The following ANO2 variants were observed in gnomAD, a reference collection of about 807,000 sequenced individuals.
ANO2 encodes the protein anoctamin 2.
A neutral mutation model predicts 124.2 loss-of-function variants in ANO2; 101 were observed. The observed-to-expected ratio is 0.81, with a 90% CI of 0.69 to 0.96. ANO2 has a LOEUF of 0.96. ANO2 is among the 40% of genes least tolerant of loss of function. ANO2 has a pLI of 0.00. For synonymous variants in ANO2, 486 were observed against 482.5 expected (o/e 1.01, Z -0.09); for missense variants, 1,293 against 1,274.5 (o/e 1.01, Z -0.22).
At chr12:5,724,529 G>A (rs933035630) in intron 14 of ANO2, among the ~76,000 whole-genome samples, 3 of 152,214 alleles carry the variant, frequency 2.0e-5, no homozygotes. Flanking sequence ...TCCTGTTGCT[G>A]TTGTCACAGC....
chr12:5,583,785 G>T, intron 20 of ANO2: 1 of 164,704 alleles, frequency 6.1e-6, no homozygotes, highest in South Asian at 1.7e-4. Context: ...AGGACTACCA[G>T]ATCGGTTGTA....
intron 12 of ANO2, among the ~76,000 whole-genome samples, chr12:5,742,052 T>C (rs1951111530): frequency 6.6e-6 from 1 of 152,130 alleles, no homozygotes; most frequent in Non-Finnish European, 1.5e-5. Flanking sequence ...CCCTGGAGTT[T>C]GAAGTCCGAC....
At chr12:5,646,314 C>T (rs1009040055) in intron 15 of ANO2, among the ~76,000 whole-genome samples, 1 of 152,146 alleles carries the variant, frequency 6.6e-6, no homozygotes, top group Admixed American at 6.5e-5. Flanking sequence ...TCCTGTCAGC[C>T]CTTCGAGGCT....
chr12:5,691,327 C>CAAAAAAAAAAAAA (rs60573302), intron 14 of ANO2, among the ~76,000 whole-genome samples: 3 of 86,994 alleles, frequency 3.4e-5, no homozygotes, highest in Non-Finnish European at 6.1e-5. Flanking sequence ...GACTCCATCT[C>CAAAAAAAAAAAAA]AAAAAAAAAA....
intron 2 of ANO2, 140 bp downstream of exon 2, chr12:5,922,478 GAA>G: frequency 1.1e-6 from 1 of 949,478 alleles, no homozygotes; most frequent in South Asian, 1.9e-5. Context: ...ACAGAGAAGA[GAA>G]AAGGCCCTAC....
intron 10 of ANO2, among the ~76,000 whole-genome samples, chr12:5,753,476 C>A (rs1409532974): frequency 6.6e-6 from 1 of 152,174 alleles, no homozygotes; most frequent in Non-Finnish European, 1.5e-5. Flanking sequence ...CAGCTTTCAG[C>A]TTAATTTTTT....
At chr12:5,945,086 C>T in intron 1 of ANO2, 110 bp downstream of exon 1, 2 of 1,066,812 alleles carry the variant, frequency 1.9e-6, no homozygotes, top group South Asian at 1.4e-5. Context: ...TGCCCAGGCT[C>T]CCTTGGGGGT....
chr12:5,903,397 C>T (rs1190931719), intron 3 of ANO2, among the ~76,000 whole-genome samples: 2 of 152,214 alleles, frequency 1.3e-5, no homozygotes, highest in Admixed American at 1.3e-4. Flanking sequence ...AAATATTAAG[C>T]ACCCACTATG....
chr12:5,772,930 C>G (rs939904571), intron 10 of ANO2, among the ~76,000 whole-genome samples: 5 of 152,238 alleles, frequency 3.3e-5, no homozygotes, highest in African/African-American at 1.2e-4. Flanking sequence ...CTGACCCATT[C>G]GCTGCCTTGC....
intron 7 of ANO2, among the ~76,000 whole-genome samples, chr12:5,817,911 A>G (rs1464156789): frequency 6.6e-6 from 1 of 152,202 alleles, no homozygotes; most frequent in East Asian, 1.9e-4. Context: ...GGAAGAAGGA[A>G]GAGAAATCAA....
At chr12:5,686,640 A>T (rs1419590542) in intron 14 of ANO2, among the ~76,000 whole-genome samples, 1 of 152,224 alleles carries the variant, frequency 6.6e-6, no homozygotes, top group Non-Finnish European at 1.5e-5. Context: ...TTTACTCTAG[A>T]GGCCACCATC....
intron 14 of ANO2, among the ~76,000 whole-genome samples, chr12:5,698,188 G>A (rs1949266272): frequency 6.6e-6 from 1 of 152,224 alleles, no homozygotes; most frequent in Non-Finnish European, 1.5e-5. Flanking sequence ...TAACTGGGAG[G>A]CACCTCCCAG....
chr12:5,586,166 A>T (rs1296987244), intron 20 of ANO2, among the ~76,000 whole-genome samples: 1 of 152,178 alleles, frequency 6.6e-6, no homozygotes, highest in African/African-American at 2.4e-5. Context: ...TGGTACGCTG[A>T]GGGCTGTGGT....
At chr12:5,597,291 T>C (rs887241508) in intron 20 of ANO2, among the ~76,000 whole-genome samples, 3 of 152,152 alleles carry the variant, frequency 2.0e-5, no homozygotes, top group African/African-American at 7.2e-5. Flanking sequence ...GTTGTTCCTC[T>C]CTGTGTGTCC....
intron 14 of ANO2, among the ~76,000 whole-genome samples, chr12:5,677,619 C>T (rs988956408): frequency 2.0e-5 from 3 of 152,138 alleles, no homozygotes; most frequent in African/African-American, 7.2e-5. Context: ...GAGAATCCCA[C>T]CCACCTCCAT....
intron 14 of ANO2, among the ~76,000 whole-genome samples, chr12:5,671,860 C>T (rs1460836297): frequency 6.6e-6 from 1 of 152,188 alleles, no homozygotes; most frequent in African/African-American, 2.4e-5. Context: ...CTTTCCCTTC[C>T]CATGTGTTAA....
chr12:5,608,932 A>G (rs1944346123), intron 19 of ANO2: 1 of 152,144 alleles, frequency 6.6e-6, no homozygotes, highest in South Asian at 2.1e-4. Flanking sequence ...AAATAATTCT[A>G]CTCACAGCAA....
intron 16 of ANO2, among the ~76,000 whole-genome samples, chr12:5,630,793 C>T (rs1298045139): frequency 6.6e-6 from 1 of 152,182 alleles, no homozygotes; most frequent in Non-Finnish European, 1.5e-5. Context: ...AGCCTTGCAG[C>T]CTGGTTGGGA....
intron 14 of ANO2, among the ~76,000 whole-genome samples, chr12:5,714,840 G>A (rs981311632): frequency 2.0e-5 from 3 of 152,190 alleles, no homozygotes; most frequent in Non-Finnish European, 2.9e-5. Flanking sequence ...AAGCAGGTAA[G>A]GAAAAGCATA....
Sources: gnomAD v4.1 joint callset for allele counts (sites outside exome capture counted in the v4.1 genomes callset) on GRCh38, gnomAD v4.1.1 for gene constraint, MANE v1.5 for transcripts, NCBI Gene and HGNC (gene_info 2026-07-23, HGNC 2026-07-21) for gene names.